RAB11FIP4: variants seen among roughly 807,000 people sequenced by gnomAD.
The protein encoded by RAB11FIP4 is RAB11 family interacting protein 4, also known as rab11 family-interacting protein 4.
A neutral mutation model predicts 74.3 loss-of-function variants in RAB11FIP4; 23 were observed. That is an observed-to-expected ratio of 0.31 (90% CI 0.22 to 0.44). The LOEUF (loss-of-function observed/expected upper bound fraction) is 0.44, where lower values mean the gene tolerates loss of function less well. Ranked by LOEUF, RAB11FIP4 falls within the 20% of genes least tolerant of loss-of-function variation. The probability of loss-of-function intolerance (pLI) is 1.00; values close to 1 mark genes in which losing one functional copy is unlikely to be tolerated. For missense variants in RAB11FIP4, 630 were observed against 863.9 expected (o/e 0.73, Z 3.39); for synonymous variants, 360 against 359.9 (o/e 1.00, Z 0.00).
At chr17:31,443,482 T>G (rs2071423931) in intron 3 of RAB11FIP4, among the ~76,000 whole-genome samples, 1 of 152,262 alleles carries the variant, frequency 6.6e-6, no homozygotes, top group African/African-American at 2.4e-5. Context: ...ATTCGTAGAA[T>G]TGACTGATGT....
At chr17:31,523,872 C>G (rs374293270) in intron 8 of RAB11FIP4, 21 bp from the exon 9 acceptor site, 2 of 1,580,998 alleles carry the variant, frequency 1.3e-6, no homozygotes, top group African/African-American at 2.7e-5. Context: ...TTCTCCACCC[C>G]ACCCCGGCCC....
intron 1 of RAB11FIP4, among the ~76,000 whole-genome samples, chr17:31,397,930 CAGGG>C (rs1205832879): frequency 1.3e-4 from 19 of 150,780 alleles, no homozygotes; most frequent in Non-Finnish European, 2.7e-4. Context: ...GGCTGGAGTT[CAGGG>C]GTGCATCATG....
At chr17:31,488,933 T>C (rs1012181159) in intron 3 of RAB11FIP4, among the ~76,000 whole-genome samples, 1 of 152,216 alleles carries the variant, frequency 6.6e-6, no homozygotes, top group Non-Finnish European at 1.5e-5. Flanking sequence ...GTGTCTGTGC[T>C]GTGGGGAACT....
rs148704649 is a variant in RAB11FIP4 at position 31,393,505 on chromosome 17, G to A, written c.159+1494G>A. ...CCAACAACCTCTGGCAGGGGCCACCGGCCTCAGCCACGTGCCCAGCAAGCC... is the reference window on the plus strand; with the variant it reads ...CCAACAACCTCTGGCAGGGGCCACCAGCCTCAGCCACGTGCCCAGCAAGCC... On this transcript the variant is annotated intron_variant, in intron 1 of 14. Coordinates refer to ENST00000621161, the MANE Select transcript of RAB11FIP4 (RefSeq NM_032932.6). Among the ~76,000 whole-genome samples, 493 of 152,304 alleles carry A rather than the reference G, an allele frequency of 3.2e-3. 8 individuals are homozygous for A. The highest frequency in any genetic ancestry group is 0.011 in the African/African-American group (463 of 41,566).
At chr17:31,445,711 G>A (rs1324008669) in intron 3 of RAB11FIP4, among the ~76,000 whole-genome samples, 10 of 148,884 alleles carry the variant, frequency 6.7e-5, no homozygotes, top group African/African-American at 2.2e-4. Flanking sequence ...TCAGCCTCCC[G>A]AGTAGCTGGG....
chr17:31,480,240 GCCCCTGT>G (rs890632651), intron 3 of RAB11FIP4, among the ~76,000 whole-genome samples: 16 of 152,234 alleles, frequency 1.1e-4, no homozygotes, highest in African/African-American at 3.9e-4. Context: ...CCTCACTCAG[GCCCCTGT>G]CAGATGTTAC....
intron 1 of RAB11FIP4, among the ~76,000 whole-genome samples, chr17:31,428,772 T>A (rs1226926988): frequency 2.6e-5 from 4 of 151,936 alleles, no homozygotes; most frequent in African/African-American, 9.7e-5. Flanking sequence ...TTAGAAGCAG[T>A]TTTAGATTTA....
rs76534027 is a variant in RAB11FIP4 at position 31,461,237 on chromosome 17, A to G, written c.336+27115A>G. Reference sequence around the variant, plus strand: ...GCAGATGAGGCAGAAAAGCCCCTCCACACGCACAAGCCTGGGCCTGGCCTT... The same window carrying G: ...GCAGATGAGGCAGAAAAGCCCCTCCGCACGCACAAGCCTGGGCCTGGCCTT... On this transcript the variant is annotated intron_variant, in intron 3 of 14. Transcript: ENST00000621161. Among the ~76,000 whole-genome samples the G allele has an allele frequency of 1.5e-3, 225 of 152,066 alleles. 1 individual carries two copies. Among genetic ancestry groups the G allele is most frequent in the African/African-American group, 4.9e-3 (205 of 41,500 alleles).
intron 3 of RAB11FIP4, among the ~76,000 whole-genome samples, chr17:31,489,869 A>T (rs1364807817): frequency 6.6e-6 from 1 of 152,112 alleles, no homozygotes; most frequent in Non-Finnish European, 1.5e-5. Context: ...GGGGTGGAGT[A>T]AATGACTAAG....
intron 1 of RAB11FIP4, among the ~76,000 whole-genome samples, chr17:31,424,008 C>T (rs2071223547): frequency 6.6e-6 from 1 of 152,148 alleles, no homozygotes; most frequent in South Asian, 2.1e-4. Flanking sequence ...ACCCAGGGCA[C>T]TTCTCCCACT....
Position 31,531,817 on chromosome 17 carries a change from C to G in RAB11FIP4, c.*85C>G. The G allele has an allele frequency of 1.2e-6, 1 of 822,846 alleles. No individual in the cohort carries two copies. Among genetic ancestry groups the G allele is most frequent in the Non-Finnish European group, 2.1e-6 (1 of 483,428 alleles). The allele number at this position is 822,846 out of a possible 1,614,324, so 51.0% of individuals were successfully genotyped here. ...AAGGATGCAGGCCTAAGCCGGGCCT[C>G]ACACTCACACTGTAAATGTCTCTCT... On this transcript the variant is annotated 3_prime_UTR_variant, in exon 15 of 15. Coordinates refer to ENST00000621161, the MANE Select transcript of RAB11FIP4 (RefSeq NM_032932.6).
At chr17:31,480,793 CAAAA>C (rs36097331) in intron 3 of RAB11FIP4, among the ~76,000 whole-genome samples, 4 of 73,860 alleles carry the variant, frequency 5.4e-5, no homozygotes, top group East Asian at 4.2e-4. Flanking sequence ...GACTCCGTCT[CAAAA>C]AAAAAAAAAA....
rs558014228 is a variant in RAB11FIP4 at position 31,503,618 on chromosome 17, TG to T, written c.337-14032del. Among the ~76,000 whole-genome samples, 246 of 149,844 alleles carry T rather than the reference TG, an allele frequency of 1.6e-3. 3 individuals carry two copies. The highest frequency in any genetic ancestry group is 3.3e-3 in the Admixed American group (50 of 15,226). On this transcript the variant is annotated intron_variant, in intron 3 of 14. Coordinates refer to ENST00000621161, the MANE Select transcript of RAB11FIP4 (RefSeq NM_032932.6). ...CTCTATTTGGAAACATTTCTAGGACTGTTATGACTGTGAATGGTCTTTTAGA... is the reference window on the plus strand; with the variant it reads ...CTCTATTTGGAAACATTTCTAGGACTTTATGACTGTGAATGGTCTTTTAGA...
intron 10 of RAB11FIP4, chr17:31,527,610 A>G: frequency 2.2e-6 from 1 of 460,244 alleles, no homozygotes; most frequent in Non-Finnish European, 3.7e-6. Context: ...AAAAGAAAGA[A>G]AATAAGAATG....
rs560184064 is a variant in RAB11FIP4, at chr17:31,477,161, T to C, written c.337-40490T>C. ...GGAGACAATTGCGGGGGACTCTGCT[T>C]TCAGAGTGGAGTTACAAGCCCTTCA... On this transcript the variant is annotated intron_variant, in intron 3 of 14. Transcript: ENST00000621161. 3.9e-5 allele frequency among the ~76,000 whole-genome samples: 6 copies of C among 152,312 alleles called. No individual in the cohort carries two copies. The South Asian group carries it at 1.2e-3, about 32-fold the overall frequency.
chr17:31,522,594 C>A lies in RAB11FIP4; in HGVS notation c.929+199C>A. On this transcript the variant is annotated intron_variant, in intron 7 of 14. Coordinates refer to ENST00000621161, the MANE Select transcript of RAB11FIP4 (RefSeq NM_032932.6). Reference sequence around the variant, plus strand: ...AGGGGCCAGCTCCTCCCTGCTCTCTCCCCACCCCTTGTCCCTTCTTCAAAT... The same window carrying A: ...AGGGGCCAGCTCCTCCCTGCTCTCTACCCACCCCTTGTCCCTTCTTCAAAT... 5.2e-6 allele frequency: 3 copies of A among 571,662 alleles called. 1 individual carries two copies. The highest frequency in any genetic ancestry group is 4.5e-5 in the South Asian group (2 of 44,856). The allele number at this position is 571,662 out of a possible 1,614,324, so 35.4% of individuals were successfully genotyped here.
chr17:31,424,233 T>C (rs2151624912), intron 1 of RAB11FIP4, among the ~76,000 whole-genome samples: 1 of 152,288 alleles, frequency 6.6e-6, no homozygotes, highest in South Asian at 2.1e-4. Context: ...ACAGTCCTTG[T>C]GTAGTTGTTT....
intron 3 of RAB11FIP4, among the ~76,000 whole-genome samples, chr17:31,501,394 T>C (rs1351121522): frequency 6.6e-6 from 1 of 152,188 alleles, no homozygotes; most frequent in African/African-American, 2.4e-5. Context: ...TAGCCTAGGC[T>C]ACCTTAAATG....
chr17:31,500,881 G>A (rs1414347765), intron 3 of RAB11FIP4, among the ~76,000 whole-genome samples: 1 of 152,118 alleles, frequency 6.6e-6, no homozygotes, highest in Non-Finnish European at 1.5e-5. Flanking sequence ...AAATTAGCTG[G>A]GTGTGATGGC....
Sources: gnomAD v4.1 joint callset for allele counts (sites outside exome capture counted in the v4.1 genomes callset) on GRCh38, gnomAD v4.1.1 for gene constraint, MANE v1.5 for transcripts, NCBI Gene and HGNC (gene_info 2026-07-23, HGNC 2026-07-21) for gene names.